Variants in ADGRV1 observed in about 807,000 individuals in gnomAD.
The protein encoded by ADGRV1 is G-protein coupled receptor 98.
ADGRV1 carries 359 observed loss-of-function variants against 596.2 expected under a neutral mutation model. That is an observed-to-expected ratio of 0.60 (90% CI 0.55 to 0.66). The LOEUF is 0.66. Among genes scored for constraint, ADGRV1 ranks in the 30% least tolerant of loss-of-function variants. ADGRV1 has a pLI of 0.00. For missense variants in ADGRV1, 7,274 were observed against 7,575.6 expected (o/e 0.96, Z 1.48); for synonymous variants, 2,681 against 2,679.2 (o/e 1.00, Z -0.02).
intron 87 of ADGRV1, among the ~76,000 whole-genome samples, chr5:91,132,620 C>A (rs547924731): frequency 6.6e-6 from 1 of 152,186 alleles, no homozygotes; most frequent in South Asian, 2.1e-4. Context: ...GTTGTGAATG[C>A]GTAATCAGAA....
intron 30 of ADGRV1, 119 bp from the exon 31 acceptor site, chr5:90,690,678 G>A: frequency 9.7e-7 from 1 of 1,030,674 alleles, no homozygotes; most frequent in Non-Finnish European, 1.4e-6. Flanking sequence ...GTTTTTGTGG[G>A]TTATAGCTAC....
chr5:90,963,522 G>A (rs7735354), intron 83 of ADGRV1, among the ~76,000 whole-genome samples: 6,598 of 151,920 alleles, frequency 0.043, 465 homozygotes, highest in African/African-American at 0.15. Context: ...AGGAAATAAT[G>A]TTACATAAAT....
chr5:90,946,232 A>C (rs760951021), intron 83 of ADGRV1, among the ~76,000 whole-genome samples: 1 of 152,100 alleles, frequency 6.6e-6, no homozygotes, highest in Non-Finnish European at 1.5e-5. Context: ...CAGCTGAGTG[A>C]GTAATGGGCA....
intron 71 of ADGRV1, 97 bp from the exon 72 acceptor site, chr5:90,805,186 AT>A (rs1407884641): frequency 1.4e-5 from 13 of 896,678 alleles, no homozygotes; most frequent in Admixed American, 7.5e-5. Context: ...AAGGATATAT[AT>A]TGTATAAACC....
At chr5:91,022,293 G>T (rs1429241523) in intron 85 of ADGRV1, among the ~76,000 whole-genome samples, 2 of 151,996 alleles carry the variant, frequency 1.3e-5, no homozygotes, top group East Asian at 3.9e-4. Flanking sequence ...ATTTATAACT[G>T]AGTAAACCTA....
At chr5:90,950,970 CTCT>C (rs1309608401) in intron 83 of ADGRV1, among the ~76,000 whole-genome samples, 7 of 152,142 alleles carry the variant, frequency 4.6e-5, no homozygotes, top group Non-Finnish European at 7.4e-5. Flanking sequence ...ATAAGCCTCG[CTCT>C]TCTTTTATAT....
intron 17 of ADGRV1, 68 bp downstream of exon 17, chr5:90,647,832 C>A: frequency 2.2e-6 from 3 of 1,384,256 alleles, no homozygotes; most frequent in Non-Finnish European, 3.0e-6. Context: ...TTAAGCACTG[C>A]AGTCCAATAA....
At chr5:90,650,000 A>C (rs1768359662) in intron 17 of ADGRV1, among the ~76,000 whole-genome samples, 1 of 152,178 alleles carries the variant, frequency 6.6e-6, no homozygotes, top group African/African-American at 2.4e-5. Context: ...TGAGAATCCA[A>C]TTACTTTCGT....
intron 59 of ADGRV1, among the ~76,000 whole-genome samples, chr5:90,766,076 A>AT (rs1183214538): frequency 6.6e-6 from 1 of 151,732 alleles, no homozygotes; most frequent in African/African-American, 2.4e-5. Flanking sequence ...CACCTGGCTA[A>AT]TTTTTTGTAT....
chr5:90,796,019 A>G (rs1760669891), intron 70 of ADGRV1, among the ~76,000 whole-genome samples: 1 of 152,190 alleles, frequency 6.6e-6, no homozygotes, highest in African/African-American at 2.4e-5. Context: ...AAAGAGGGGG[A>G]GAAACCAGAG....
At chr5:91,095,365 A>G (rs983963500) in intron 86 of ADGRV1, among the ~76,000 whole-genome samples, 2 of 152,008 alleles carry the variant, frequency 1.3e-5, no homozygotes, top group African/African-American at 4.8e-5. Context: ...ACACTTGGCT[A>G]ATTTTTGTAG....
chr5:90,773,392 A>G (rs999947884), intron 59 of ADGRV1, among the ~76,000 whole-genome samples: 3 of 152,130 alleles, frequency 2.0e-5, no homozygotes, highest in African/African-American at 2.4e-5. Flanking sequence ...TGTTGACCGA[A>G]GTAGGACCAA....
At chr5:91,030,258 TC>T (rs1243037246) in intron 85 of ADGRV1, among the ~76,000 whole-genome samples, 1 of 152,256 alleles carries the variant, frequency 6.6e-6, no homozygotes, top group East Asian at 1.9e-4. Flanking sequence ...TTTAGTCCAC[TC>T]TTGGATTCAA....
At chr5:90,626,754 C>T (rs553454215) in intron 6 of ADGRV1, among the ~76,000 whole-genome samples, 11 of 152,290 alleles carry the variant, frequency 7.2e-5, no homozygotes, top group African/African-American at 2.6e-4. Context: ...CCTGAATTAA[C>T]AACCATTTGG....
At chr5:91,055,914 C>G (rs545269308) in intron 85 of ADGRV1, among the ~76,000 whole-genome samples, 1 of 152,134 alleles carries the variant, frequency 6.6e-6, no homozygotes, top group Non-Finnish European at 1.5e-5. Context: ...TTTTTGCCAA[C>G]AAGAAATAAG....
intron 67 of ADGRV1, among the ~76,000 whole-genome samples, chr5:90,786,683 T>C (rs754932450): frequency 6.6e-6 from 1 of 152,090 alleles, no homozygotes; most frequent in Non-Finnish European, 1.5e-5. Context: ...GAAAAATTCA[T>C]TGGGCTAGAA....
intron 84 of ADGRV1, among the ~76,000 whole-genome samples, chr5:90,984,201 A>G (rs1233410875): frequency 2.0e-5 from 3 of 152,218 alleles, no homozygotes; most frequent in Admixed American, 6.5e-5. Context: ...GTATGAATGA[A>G]TTATAGACAT....
chr5:90,912,497 T>G (rs887379573), intron 83 of ADGRV1, among the ~76,000 whole-genome samples: 2 of 152,186 alleles, frequency 1.3e-5, no homozygotes, highest in Admixed American at 1.3e-4. Flanking sequence ...GTAGTAAGCA[T>G]AGCACCGAGT....
At chr5:90,947,951 C>T (rs188370038) in intron 83 of ADGRV1, among the ~76,000 whole-genome samples, 1 of 152,036 alleles carries the variant, frequency 6.6e-6, no homozygotes, top group Non-Finnish European at 1.5e-5. Context: ...CACATGTAAA[C>T]ACAAAAGAAG....
Sources: allele counts gnomAD v4.1 joint callset (sites outside exome capture counted in the v4.1 genomes callset), GRCh38; gene constraint gnomAD v4.1.1; transcripts MANE v1.5; gene names NCBI Gene and HGNC (gene_info 2026-07-23, HGNC 2026-07-21).